Variants in CDH12 observed in about 807,000 individuals in gnomAD.
The protein encoded by CDH12 is cadherin-12.
CDH12 carries 41 observed loss-of-function variants against 74.1 expected under a neutral mutation model. The observed-to-expected ratio is 0.55, with a 90% confidence interval of 0.43 to 0.72. The LOEUF (loss-of-function observed/expected upper bound fraction) is 0.72, where lower values mean the gene tolerates loss of function less well. Among genes scored for constraint, CDH12 ranks in the 30% least tolerant of loss-of-function variants. The pLI is 0.00. For synonymous variants in CDH12, 399 were observed against 355.0 expected, an observed-to-expected ratio of 1.12 and a Z score of -1.39; for missense variants, 945 against 977.2, an observed-to-expected ratio of 0.97 and a Z score of 0.44.
At chr5:21,999,540 T>C (rs937896317) in intron 5 of CDH12, among the ~76,000 whole-genome samples, 1 of 152,178 alleles carries the variant, frequency 6.6e-6, no homozygotes, top group Non-Finnish European at 1.5e-5. Context: ...CCAGATCATG[T>C]CTCTCAGAGT....
At chr5:22,487,919 C>T (rs1026307950) in intron 2 of CDH12, among the ~76,000 whole-genome samples, 7 of 152,132 alleles carry the variant, frequency 4.6e-5, no homozygotes, top group African/African-American at 7.2e-5. Context: ...TTATGTAAAT[C>T]CATCATATTT....
chr5:22,545,702 A>C (rs1045368129), intron 1 of CDH12, among the ~76,000 whole-genome samples: 2 of 152,212 alleles, frequency 1.3e-5, no homozygotes, highest in Non-Finnish European at 2.9e-5. Context: ...TGTACATTTT[A>C]AATGATGTAT....
intron 3 of CDH12, among the ~76,000 whole-genome samples, chr5:22,384,497 G>T (rs1444704984): frequency 7.9e-6 from 1 of 126,362 alleles, no homozygotes; most frequent in African/African-American, 2.9e-5. Flanking sequence ...CTGCACTCCC[G>T]CCTGGGCCAC....
intron 5 of CDH12, among the ~76,000 whole-genome samples, chr5:21,989,142 AAAGAC>A (rs1316103095): frequency 2.6e-5 from 4 of 152,358 alleles, no homozygotes; most frequent in South Asian, 2.1e-4. Context: ...GGAAAAAAGA[AAAGAC>A]AAAAGTGTAG....
intron 1 of CDH12, among the ~76,000 whole-genome samples, chr5:22,693,488 A>C (rs1416307266): frequency 2.0e-5 from 3 of 152,150 alleles, no homozygotes; most frequent in African/African-American, 7.2e-5. Flanking sequence ...CATCTTTCTA[A>C]AGTAAAGAAA....
At chr5:22,281,476 C>T (rs888676749) in intron 3 of CDH12, among the ~76,000 whole-genome samples, 3 of 152,098 alleles carry the variant, frequency 2.0e-5, no homozygotes, top group South Asian at 2.1e-4. Flanking sequence ...TTAGAAAACC[C>T]CATTGTCTCA....
intron 1 of CDH12, among the ~76,000 whole-genome samples, chr5:22,530,710 T>A (rs1198179553): frequency 6.6e-6 from 1 of 152,136 alleles, no homozygotes; most frequent in Non-Finnish European, 1.5e-5. Context: ...GTTGTAATTC[T>A]ATCATCTCAA....
At chr5:22,747,319 T>G (rs1409703100) in intron 1 of CDH12, among the ~76,000 whole-genome samples, 1 of 152,078 alleles carries the variant, frequency 6.6e-6, no homozygotes, top group East Asian at 1.9e-4. Flanking sequence ...TTTGGTATGT[T>G]TCCCCATTTA....
chr5:22,357,175 T>C (rs972820306), intron 3 of CDH12, among the ~76,000 whole-genome samples: 3 of 152,110 alleles, frequency 2.0e-5, no homozygotes, highest in South Asian at 2.1e-4. Flanking sequence ...AAAGTGAACA[T>C]GGTGGAAACA....
rs142216017 is a variant in CDH12, at chr5:21,784,065, T to G, written c.1257-571A>C. Among the ~76,000 whole-genome samples the G allele has an allele frequency of 2.7e-3, 410 of 152,314 alleles. 2 individuals carry two copies. The highest frequency in any genetic ancestry group is 9.7e-3 in the African/African-American group (402 of 41,578). ...TATGTATTTTGTTGTTTCATTGATGTTTTATTACATATCAGGTCAACATTA... is the reference window on the plus strand; with the variant it reads ...TATGTATTTTGTTGTTTCATTGATGGTTTATTACATATCAGGTCAACATTA... On this transcript the variant is annotated intron_variant, in intron 10 of 14. Coordinates refer to ENST00000382254, the MANE Select transcript of CDH12 (RefSeq NM_004061.5).
At chr5:22,529,191 AG>A (rs1561470697) in intron 1 of CDH12, among the ~76,000 whole-genome samples, 1 of 25,148 alleles carries the variant, frequency 4.0e-5, no homozygotes, top group Non-Finnish European at 8.3e-5. Context: ...ATATATATAG[AG>A]AGAGAGAGAG....
chr5:21,920,561 A>T (rs1360695557), intron 6 of CDH12, among the ~76,000 whole-genome samples: 1 of 151,826 alleles, frequency 6.6e-6, no homozygotes, highest in South Asian at 2.1e-4. Flanking sequence ...AAGCATTAGG[A>T]TAAATACCTA....
At chr5:22,799,955 A>C (rs1266501870) in intron 1 of CDH12, among the ~76,000 whole-genome samples, 2 of 152,162 alleles carry the variant, frequency 1.3e-5, no homozygotes, top group Admixed American at 1.3e-4. Context: ...ATCTGAATGT[A>C]AATGGAGTTT....
intron 3 of CDH12, among the ~76,000 whole-genome samples, chr5:22,286,415 T>A (rs1737136517): frequency 6.6e-6 from 1 of 152,150 alleles, no homozygotes; most frequent in South Asian, 2.1e-4. Flanking sequence ...TTATAGCACT[T>A]CAACTACATA....
intron 6 of CDH12, among the ~76,000 whole-genome samples, chr5:21,972,335 A>G (rs1190279159): frequency 2.0e-5 from 3 of 152,288 alleles, no homozygotes; most frequent in African/African-American, 7.2e-5. Context: ...TCAAACACTG[A>G]TATCTACAAC....
At chr5:22,619,919 G>T (rs541407120) in intron 1 of CDH12, among the ~76,000 whole-genome samples, 2 of 151,932 alleles carry the variant, frequency 1.3e-5, no homozygotes, top group Non-Finnish European at 2.9e-5. Flanking sequence ...ATTATTTTTT[G>T]CTTTATTGTT....
chr5:22,148,716 T>C (rs1747371984), intron 4 of CDH12, among the ~76,000 whole-genome samples: 1 of 152,206 alleles, frequency 6.6e-6, no homozygotes, highest in Admixed American at 6.5e-5. Context: ...CCTTGATTTC[T>C]TGATTAGTTG....
At chr5:21,793,687 A>AG (rs1158477653) in intron 10 of CDH12, among the ~76,000 whole-genome samples, 1 of 151,530 alleles carries the variant, frequency 6.6e-6, no homozygotes, top group Non-Finnish European at 1.5e-5. Context: ...TTTGAAAGAA[A>AG]GGTTTTATTT....
intron 5 of CDH12, among the ~76,000 whole-genome samples, chr5:22,059,387 C>CTATCTATG (rs1176096198): frequency 3.0e-5 from 2 of 67,210 alleles, no homozygotes; most frequent in African/African-American, 3.2e-4. Flanking sequence ...ATCTATCTAT[C>CTATCTATG]TATCTATGTA....
Sources: allele counts gnomAD v4.1 joint callset (sites outside exome capture counted in the v4.1 genomes callset), GRCh38; gene constraint gnomAD v4.1.1; transcripts MANE v1.5; gene names NCBI Gene and HGNC (gene_info 2026-07-23, HGNC 2026-07-21).